Variants in CLSTN3 observed in about 807,000 individuals in gnomAD.
CLSTN3 encodes the protein calsyntenin 3.
A neutral mutation model predicts 95.9 loss-of-function variants in CLSTN3; 36 were observed. That is an observed-to-expected ratio of 0.38 (90% CI 0.29 to 0.50). The LOEUF is 0.50. Among genes scored for constraint, CLSTN3 ranks in the 20% least tolerant of loss-of-function variants. The pLI is 0.95. For missense variants in CLSTN3, 1,084 were observed against 1,268.8 expected (o/e 0.85, Z 2.21); for synonymous variants, 481 against 504.0 (o/e 0.95, Z 0.61).
rs1939410150 is a variant in CLSTN3, at chr12:7,136,114, A to T, written c.743-92A>T. The T allele has an allele frequency of 2.0e-6, 3 of 1,522,946 alleles. No homozygotes were observed. In the South Asian group the frequency reaches 3.8e-5, roughly 19 times the overall value. The allele number at this position is 1,522,946 out of a possible 1,614,324, so 94.3% of individuals were successfully genotyped here. A position where few individuals can be genotyped will look rare whatever the true frequency, so the allele number is the denominator to read the frequency against. ...CCGGGCCATCCTGCCAGGAGCCCCA[A>T]ACTGTCCATGGACATGGCAAGAGGA... On this transcript the variant is annotated intron_variant, in intron 5 of 17. Coordinates refer to ENST00000266546, the MANE Select transcript of CLSTN3 (RefSeq NM_014718.4).
chr12:7,131,545 AGAG>A (rs1029122502), intron 1 of CLSTN3, among the ~76,000 whole-genome samples: 1 of 152,102 alleles, frequency 6.6e-6, no homozygotes, highest in African/African-American at 2.4e-5. Context: ...AATCAGGAAA[AGAG>A]TGAGTCAAGG....
rs1056173062 is a variant in CLSTN3 at position 7,157,747 on chromosome 12, G to A, written c.2730+56G>A. On this transcript the variant is annotated intron_variant, in intron 17 of 17. Transcript: ENST00000266546. The surrounding 1 kb of genome is among the most constrained non-coding windows in gnomAD (Gnocchi z 5.9). ...GGGTCAAGACTGTGGAGCACACACG[G>A]TGAGGACTCCTGAGGAGGGGCAGGC... is the stretch of plus-strand genomic sequence containing the variant. 2.0e-6 allele frequency: 3 copies of A among 1,531,804 alleles called. No individual in the cohort carries two copies. Among genetic ancestry groups the A allele is most frequent in the African/African-American group, 2.8e-5 (2 of 72,716 alleles). 94.9% of individuals were successfully genotyped at this position (1,531,804 alleles called of 1,614,324 possible).
intron 12 of CLSTN3, among the ~76,000 whole-genome samples, chr12:7,148,647 T>C (rs1939669310): frequency 6.6e-6 from 1 of 152,238 alleles, no homozygotes; most frequent in Admixed American, 6.5e-5. Flanking sequence ...TTCAGTTTGC[T>C]TTGTTTTTCA....
intron 1 of CLSTN3, chr12:7,131,696 G>A: frequency 2.2e-6 from 1 of 448,716 alleles, no homozygotes; most frequent in South Asian, 1.6e-5. Context: ...GCCCAGCCCT[G>A]CCCTTCCACC....
At position 7,137,022 on chromosome 12, in the gene CLSTN3, C is replaced by T. The variant is rs867263612; in HGVS notation, c.1122C>T (p.Phe374=). 6.2e-7 allele frequency: 1 copy of T among 1,614,238 alleles called. No homozygotes were observed. The highest frequency in any genetic ancestry group is 1.1e-5 in the South Asian group (1 of 91,092). ...CCCAGGACAGCCTCAGTGACCACTT[C>T]ACCCTGTCCTTCTGGATGAAGCATG... ...SGPQDSLSDH[F]TLSFWMKHGV... The change falls in exon 7 of 18, where the codon TTC becomes TTT. Residue 374 remains phenylalanine (F), a synonymous_variant. Transcript: ENST00000266546. This position sits in a 1 kb window ranked among gnomAD's most constrained non-coding sequence, Gnocchi z 4.4.
chr12:7,157,834 G>T lies in CLSTN3; in HGVS notation c.2731-107G>T, dbSNP rs1419750539. The T allele has an allele frequency of 6.6e-7, 1 of 1,507,042 alleles. No individual in the cohort carries two copies. Among genetic ancestry groups the T allele is most frequent in the South Asian group, 1.2e-5 (1 of 81,186 alleles). The allele number at this position is 1,507,042 out of a possible 1,614,324, so 93.4% of individuals were successfully genotyped here. On this transcript the variant is annotated intron_variant, in intron 17 of 17. Transcript: ENST00000266546. This position sits in a 1 kb window ranked among gnomAD's most constrained non-coding sequence, Gnocchi z 5.9. Reference sequence around the variant, plus strand: ...GAGGGAGAGAGGTTCAGGCAGGGAAGGGGGTACACAGGGGTTAAGGGGACC... The same window carrying T: ...GAGGGAGAGAGGTTCAGGCAGGGAATGGGGTACACAGGGGTTAAGGGGACC...
In CLSTN3 at chr12:7,130,510, G is replaced by T; in HGVS notation, c.-139G>T. On this transcript the variant is annotated 5_prime_UTR_variant, in exon 1 of 18. Transcript: ENST00000266546. ...GCCCGCTTTATGGACTAGTGTGGGC[G>T]GCAGGCTCCTTTCCGTCCCTGCCCT... The T allele has an allele frequency of 6.5e-7, 1 of 1,536,344 alleles. No individual in the cohort carries two copies. The highest frequency in any genetic ancestry group is 1.2e-5 in the South Asian group (1 of 83,612).
At chr12:7,130,281 C>T (rs1321221894), upstream of CLSTN3, 12 of 752,908 alleles carry the variant, frequency 1.6e-5, no homozygotes, top group Admixed American at 4.5e-4. Flanking sequence ...TCATTGGCTC[C>T]CTCCCCCGCT....
At chr12:7,130,994 CT>C in intron 1 of CLSTN3, 1 of 542,146 alleles carries the variant, frequency 1.8e-6, no homozygotes, top group South Asian at 2.1e-5. Flanking sequence ...CTATTCTCCC[CT>C]TCCCCTAATT....
chr12:7,135,611 C>T (rs1400546552), intron 4 of CLSTN3, 76 bp downstream of exon 4: 1 of 1,500,764 alleles, frequency 6.7e-7, no homozygotes, highest in East Asian at 2.3e-5. Flanking sequence ...CCCAGGGTTG[C>T]ATTCTCCACT....
rs771158021 is a variant in CLSTN3 at position 7,149,054 on chromosome 12, C to T, written c.1930C>T (p.Leu644=). 3.7e-6 allele frequency: 6 copies of T among 1,614,106 alleles called. No homozygotes were observed. Among genetic ancestry groups the T allele is most frequent in the South Asian group, 1.1e-5 (1 of 91,090 alleles). ...VVLQPDAPQI[L]LSGTAHFARP... ...CCTTCAGCCTGACGCCCCCCAGATC[C>T]TGCTGAGTGGCACTGCTCATTTTGC... Residue 644 remains leucine (L), a synonymous_variant, in exon 13 of 18, where the codon CTG becomes TTG. Coordinates refer to ENST00000266546, the MANE Select transcript of CLSTN3 (RefSeq NM_014718.4). The surrounding 1 kb of genome is among the most constrained non-coding windows in gnomAD (Gnocchi z 4.5).
In CLSTN3 at chr12:7,148,934, T is replaced by C. The variant is rs1197954684; in HGVS notation, c.1848-38T>C. The C allele has an allele frequency of 4.5e-6, 7 of 1,565,178 alleles. No individual in the cohort carries two copies. In the Admixed American group the frequency reaches 6.7e-5, roughly 15 times the overall value. On this transcript the variant is annotated intron_variant, in intron 12 of 17. Transcript: ENST00000266546. The stretch of plus-strand genomic sequence containing the variant: ...AATGTGGGTTTTCGGGGAGGAAGTG[T>C]TGGGGTCACATGCTGCTTCTCCTGC...
intron 16 of CLSTN3, chr12:7,156,047 G>A (rs1000695341): frequency 2.0e-5 from 7 of 354,210 alleles, no homozygotes; most frequent in South Asian, 4.2e-5. Flanking sequence ...ATTTGCGGAC[G>A]GGGCTGGAAT....
rs1490789880 is a variant in CLSTN3, at chr12:7,137,791, T to A, written c.1211-164T>A. ...GTGTGTGTGTGTGTGTGTGTGTGTG[T>A]GTGTGAGAGAGAGAGAGAGAGAGAG... On this transcript the variant is annotated intron_variant, in intron 7 of 17. Transcript: ENST00000266546. The surrounding 1 kb of genome is among the most constrained non-coding windows in gnomAD (Gnocchi z 4.4). 2.6e-3 allele frequency among the ~76,000 whole-genome samples: 295 copies of A among 113,822 alleles called. 1 individual carries two copies. Among genetic ancestry groups the A allele is most frequent in the African/African-American group, 7.6e-3 (248 of 32,768 alleles). The allele number at this position is 113,822 out of a possible 152,430, so 74.7% of individuals were successfully genotyped here.
Position 7,149,343 on chromosome 12 carries a change from G to A in CLSTN3, c.2074+145G>A. On this transcript the variant is annotated intron_variant, in intron 13 of 17. Transcript: ENST00000266546. This position sits in a 1 kb window ranked among gnomAD's most constrained non-coding sequence, Gnocchi z 4.5. The stretch of plus-strand genomic sequence containing the variant: ...GAACAACTTACCTTTAAGAAGGAGA[G>A]CAAGTGGAAAACACGTGGGTGGAAA... 1.1e-6 allele frequency: 1 copy of A among 928,830 alleles called. No homozygotes were observed. Among genetic ancestry groups the A allele is most frequent in the Non-Finnish European group, 1.6e-6 (1 of 612,102 alleles). The allele number at this position is 928,830 out of a possible 1,614,324, so 57.5% of individuals were successfully genotyped here.
In CLSTN3 at chr12:7,157,782, G is replaced by A. The variant is rs1255092194; in HGVS notation, c.2730+91G>A. On this transcript the variant is annotated intron_variant, in intron 17 of 17. Coordinates refer to ENST00000266546, the MANE Select transcript of CLSTN3 (RefSeq NM_014718.4). The surrounding 1 kb of genome is among the most constrained non-coding windows in gnomAD (Gnocchi z 5.9). Reference sequence around the variant, plus strand: ...CTGAGGAGGGGCAGGCCTGGGTGGAGGCTGTTCGCAGAGCTGCAGTGAGCC... The same window carrying A: ...CTGAGGAGGGGCAGGCCTGGGTGGAAGCTGTTCGCAGAGCTGCAGTGAGCC... 6.7e-7 allele frequency: 1 copy of A among 1,501,596 alleles called. No homozygotes were observed. Among genetic ancestry groups the A allele is most frequent in the Non-Finnish European group, 9.0e-7 (1 of 1,113,596 alleles). The allele number at this position is 1,501,596 out of a possible 1,614,324, so 93.0% of individuals were successfully genotyped here. A position where few individuals can be genotyped will look rare whatever the true frequency, so the allele number is the denominator to read the frequency against.
chr12:7,140,805 G>T (rs1939511650), intron 8 of CLSTN3, among the ~76,000 whole-genome samples: 1 of 152,142 alleles, frequency 6.6e-6, no homozygotes, highest in African/African-American at 2.4e-5. Context: ...TACCCCAGAG[G>T]CTGAAGTGGG....
At chr12:7,144,691 C>T (rs897727734) in intron 12 of CLSTN3, among the ~76,000 whole-genome samples, 1 of 152,142 alleles carries the variant, frequency 6.6e-6, no homozygotes, top group Non-Finnish European at 1.5e-5. Flanking sequence ...CCGATTCTGC[C>T]TCAGTTTCTC....
chr12:7,134,434 A>G (rs781742321), intron 3 of CLSTN3, among the ~76,000 whole-genome samples: 29 of 152,268 alleles, frequency 1.9e-4, no homozygotes, highest in Admixed American at 6.5e-5. Flanking sequence ...ACTAAGAGGC[A>G]CTAGAGATAA....
Sources: allele counts gnomAD v4.1 joint callset (sites outside exome capture counted in the v4.1 genomes callset), GRCh38; gene constraint gnomAD v4.1.1; non-coding constraint Gnocchi (gnomAD v3.1); transcripts MANE v1.5; gene names NCBI Gene and HGNC (gene_info 2026-07-23, HGNC 2026-07-21).